MEF2C: variants seen among roughly 807,000 people sequenced by gnomAD.
MEF2C encodes myocyte enhancer factor 2C.
A neutral mutation model predicts 50.5 loss-of-function variants in MEF2C; 6 were observed. The observed-to-expected ratio is 0.12, with a 90% confidence interval of 0.07 to 0.23. The LOEUF (loss-of-function observed/expected upper bound fraction) is 0.23, where lower values mean the gene tolerates loss of function less well. Ranked by LOEUF, MEF2C falls within the 10% of genes least tolerant of loss-of-function variation. MEF2C has a pLI of 1.00. For synonymous variants in MEF2C, 183 were observed against 228.0 expected (o/e 0.80, Z 1.78); for missense variants, 276 against 605.0 (o/e 0.46, Z 5.70).
chr5:88,870,644 A>G (rs1421837293), intron 1 of MEF2C, among the ~76,000 whole-genome samples: 1 of 152,140 alleles, frequency 6.6e-6, no homozygotes, highest in Non-Finnish European at 1.5e-5. Flanking sequence ...TCAATTTTAC[A>G]TATAAAAATG....
At chr5:88,900,426 C>T (rs574422014) in intron 1 of MEF2C, among the ~76,000 whole-genome samples, 69 of 151,534 alleles carry the variant, frequency 4.6e-4, no homozygotes, top group Non-Finnish European at 9.5e-4. Flanking sequence ...ACCCTATATT[C>T]CAACTTATAT....
At chr5:88,847,932 A>G (rs302484) in intron 1 of MEF2C, among the ~76,000 whole-genome samples, 15,486 of 152,192 alleles carry the variant, frequency 0.1, 1,849 homozygotes, top group African/African-American at 0.29. Flanking sequence ...ATTTGAACAC[A>G]AACAATGATT....
intron 2 of MEF2C, among the ~76,000 whole-genome samples, chr5:88,811,557 A>T (rs964919783): frequency 4.6e-5 from 7 of 152,274 alleles, no homozygotes; most frequent in African/African-American, 1.7e-4. Context: ...GTTAAGAGCA[A>T]ATGGCAATAT....
At chr5:88,878,091 T>C (rs1312976912) in intron 1 of MEF2C, 1 of 152,068 alleles carries the variant, frequency 6.6e-6, no homozygotes, top group Non-Finnish European at 1.5e-5. Flanking sequence ...CACTGTATTA[T>C]TGACTAAATT....
At chr5:88,775,997 AC>A (rs2152819121) in intron 3 of MEF2C, 1 of 166,204 alleles carries the variant, frequency 6.0e-6, no homozygotes, top group African/African-American at 2.4e-5. Flanking sequence ...CTTACTATGA[AC>A]CCTTTTTGTT....
chr5:88,854,408 C>A (rs1383416996), intron 1 of MEF2C, among the ~76,000 whole-genome samples: 1 of 152,084 alleles, frequency 6.6e-6, no homozygotes, highest in Admixed American at 6.5e-5. Context: ...TTTTATCAAA[C>A]TTGGAAAGAT....
At chr5:88,871,976 G>C (rs1033869371) in intron 1 of MEF2C, among the ~76,000 whole-genome samples, 1 of 151,632 alleles carries the variant, frequency 6.6e-6, no homozygotes, top group Admixed American at 6.6e-5. Flanking sequence ...CATCTTTATG[G>C]GAAAATACAA....
At chr5:88,827,412 A>G (rs565960761) in intron 1 of MEF2C, among the ~76,000 whole-genome samples, 1 of 152,030 alleles carries the variant, frequency 6.6e-6, no homozygotes, top group African/African-American at 2.4e-5. Flanking sequence ...TCCTTCCCTA[A>G]ACTGTTCCAG....
chr5:88,723,007 T>A, intron 10 of MEF2C, 82 bp from the exon 11 acceptor site: 2 of 1,226,000 alleles, frequency 1.6e-6, no homozygotes, highest in Non-Finnish European at 2.2e-6. Context: ...AACATCAGCT[T>A]AAAGACTCGC....
At chr5:88,861,536 C>A (rs957933665) in intron 1 of MEF2C, among the ~76,000 whole-genome samples, 1 of 152,012 alleles carries the variant, frequency 6.6e-6, no homozygotes, top group Non-Finnish European at 1.5e-5. Flanking sequence ...AGCTACTGCA[C>A]GAAGTGAGAG....
At chr5:88,850,491 A>G (rs1820932543) in intron 1 of MEF2C, among the ~76,000 whole-genome samples, 1 of 152,166 alleles carries the variant, frequency 6.6e-6, no homozygotes, top group South Asian at 2.1e-4. Flanking sequence ...AATAATGGCT[A>G]TTTTGATTGC....
chr5:88,802,219 C>A lies in MEF2C; in HGVS notation c.258+2379G>T, dbSNP rs190074664. Among the ~76,000 whole-genome samples the A allele has an allele frequency of 3.9e-3, 589 of 152,318 alleles. 3 individuals carry two copies. The highest frequency in any genetic ancestry group is 0.031 in the Middle Eastern group (9 of 294). On this transcript the variant is annotated intron_variant, in intron 3 of 10. Coordinates refer to ENST00000504921, the MANE Select transcript of MEF2C (RefSeq NM_002397.5). ...TGCTTTTTTAAAAATTATAATCTTGCAAAAGCACTTTCAAATCCAATGCCT... is the reference window on the plus strand; with the variant it reads ...TGCTTTTTTAAAAATTATAATCTTGAAAAAGCACTTTCAAATCCAATGCCT...
chr5:88,736,697 ACTT>A lies in MEF2C; in HGVS notation c.638-4799_638-4797del, dbSNP rs1281702540. On this transcript the variant is annotated intron_variant, in intron 6 of 10. Coordinates refer to ENST00000504921, the MANE Select transcript of MEF2C (RefSeq NM_002397.5). ...CTCAAGGAAGTCTTTCTGAACTGCT[ACTT>A]CCATCATGTTCCTTTTTCATACATG... 5 of 985,228 alleles carry A rather than the reference ACTT, an allele frequency of 5.1e-6. No individual in the cohort carries two copies. In the Admixed American group the frequency reaches 3.1e-4, roughly 61 times the overall value. 61.0% of individuals were successfully genotyped at this position (985,228 alleles called of 1,614,324 possible).
At chr5:88,741,638 G>C (rs1766846980) in intron 6 of MEF2C, 4 of 978,556 alleles carry the variant, frequency 4.1e-6, no homozygotes, top group Non-Finnish European at 4.9e-6. Context: ...CATAGATTTA[G>C]TTTTCTCTTA....
intron 1 of MEF2C, among the ~76,000 whole-genome samples, chr5:88,869,276 T>TACATATATATATATATAC (rs1561420063): frequency 2.6e-4 from 26 of 101,694 alleles, no homozygotes; most frequent in Non-Finnish European, 3.7e-4. Flanking sequence ...TATATATATA[T>TACATATATATATATATAC]ACATATATAT....
In MEF2C at chr5:88,804,611, G is replaced by C; in HGVS notation, c.245C>G (p.Ser82Ter). 6.2e-7 allele frequency: 1 copy of C among 1,614,066 alleles called. No homozygotes were observed. Among genetic ancestry groups the C allele is most frequent in the Non-Finnish European group, 8.5e-7 (1 of 1,179,996 alleles). The change falls in exon 3 of 11, where the codon TCA (serine) becomes TGA (stop). Residue 82 changes from serine to a stop codon, truncating the protein, a stop_gained. Coordinates refer to ENST00000504921, the MANE Select transcript of MEF2C (RefSeq NM_002397.5). LOFTEE classifies it high-confidence loss of function. Reference protein sequence around the residue: ...YNEPHESRTNSDIVETLRKKG... With the variant: ...YNEPHESRTN ...ATGCTCTCTCACCTCCACGATGTCT[G>C]AGTTTGTCCGGCTCTCATGCGGCTC...
chr5:88,826,443 A>C (rs1225807943), intron 1 of MEF2C, among the ~76,000 whole-genome samples: 1 of 151,984 alleles, frequency 6.6e-6, no homozygotes, highest in African/African-American at 2.4e-5. Context: ...GGTGATGATG[A>C]CACTAAGTAA....
At position 88,804,832 on chromosome 5, in the gene MEF2C, A is replaced by T. The variant is rs549377449; in HGVS notation, c.55-31T>A. On this transcript the variant is annotated intron_variant, in intron 2 of 10. Coordinates refer to ENST00000504921, the MANE Select transcript of MEF2C (RefSeq NM_002397.5). ...AAAAAGAAAGCAGCCAAGATTTTTT[A>T]AAAAATATTCATGCATGTGTGGTTT... 130 of 1,583,900 alleles carry T rather than the reference A, an allele frequency of 8.2e-5. No homozygotes were observed. The East Asian group carries it at 1.7e-3, about 21-fold the overall frequency.
intron 6 of MEF2C, chr5:88,737,067 A>T: frequency 1.0e-6 from 1 of 985,040 alleles, no homozygotes; most frequent in Non-Finnish European, 1.2e-6. Context: ...ACAAATAGAT[A>T]TATAGAATAT....
Sources: allele counts gnomAD v4.1 joint callset (sites outside exome capture counted in the v4.1 genomes callset), GRCh38; gene constraint gnomAD v4.1.1; transcripts MANE v1.5; gene names NCBI Gene and HGNC (gene_info 2026-07-23, HGNC 2026-07-21).